KCNT2: variants seen among roughly 807,000 people sequenced by gnomAD.
The protein encoded by KCNT2 is potassium channel subfamily T member 2.
KCNT2 carries 67 observed loss-of-function variants against 153.8 expected under a neutral mutation model. The observed-to-expected ratio is 0.44, with a 90% CI of 0.36 to 0.53. The LOEUF is 0.53. Ranked by LOEUF, KCNT2 falls within the 20% of genes least tolerant of loss-of-function variation. The pLI is 0.00. For synonymous variants in KCNT2, 500 were observed against 458.8 expected (o/e 1.09, Z -1.15); for missense variants, 975 against 1,354.8 (o/e 0.72, Z 4.40).
At chr1:196,299,639 T>C (rs1357906155) in intron 22 of KCNT2, among the ~76,000 whole-genome samples, 3 of 152,160 alleles carry the variant, frequency 2.0e-5, no homozygotes, top group Non-Finnish European at 1.5e-5. Context: ...GGAACGCTTA[T>C]AACTGTTGGT....
chr1:196,550,253 C>A (rs569186749), intron 1 of KCNT2, among the ~76,000 whole-genome samples: 1 of 151,908 alleles, frequency 6.6e-6, no homozygotes, highest in South Asian at 2.1e-4. Flanking sequence ...TGTGCACTTT[C>A]TCAGCATGAG....
At chr1:196,421,035 G>C (rs1161541108) in intron 12 of KCNT2, among the ~76,000 whole-genome samples, 3 of 152,046 alleles carry the variant, frequency 2.0e-5, no homozygotes, top group Non-Finnish European at 4.4e-5. Flanking sequence ...TTCTGAGACT[G>C]TTGAGGTTCG....
rs533253644 is a variant in KCNT2 at position 196,425,212 on chromosome 1, A to T, written c.1121+640T>A. On this transcript the variant is annotated intron_variant, in intron 11 of 27. Coordinates refer to ENST00000294725, the MANE Select transcript of KCNT2 (RefSeq NM_198503.5). ...GCTCAATAATACTCTCACTCTACTCATATGATACAACTTGGTAACTTGTGA... is the reference window on the plus strand; with the variant it reads ...GCTCAATAATACTCTCACTCTACTCTTATGATACAACTTGGTAACTTGTGA... 5.9e-5 allele frequency among the ~76,000 whole-genome samples: 9 copies of T among 152,128 alleles called. No individual in the cohort carries two copies. In the East Asian group the frequency reaches 1.4e-3, roughly 23 times the overall value.
chr1:196,601,781 C>T (rs1664751077), intron 1 of KCNT2, among the ~76,000 whole-genome samples: 1 of 152,106 alleles, frequency 6.6e-6, no homozygotes, highest in Non-Finnish European at 1.5e-5. Context: ...AGATAAATTG[C>T]CCCATACTGC....
intron 1 of KCNT2, among the ~76,000 whole-genome samples, chr1:196,576,288 C>T (rs1418331805): frequency 1.3e-5 from 2 of 151,908 alleles, no homozygotes; most frequent in Non-Finnish European, 2.9e-5. Context: ...TCCATTACTA[C>T]CATTGTATAA....
At chr1:196,288,141 T>TAAAAAACA in intron 22 of KCNT2, among the ~76,000 whole-genome samples, 1 of 150,080 alleles carries the variant, frequency 6.7e-6, no homozygotes, top group African/African-American at 2.5e-5. Context: ...AATAAATAAA[T>TAAAAAACA]AAAAAATAAA....
chr1:196,458,153 T>C (rs1385549831), intron 8 of KCNT2, among the ~76,000 whole-genome samples: 7 of 151,834 alleles, frequency 4.6e-5, no homozygotes, highest in African/African-American at 1.7e-4. Flanking sequence ...TATAATATTC[T>C]CATTCCTGAA....
chr1:196,320,591 C>G (rs931890094), intron 19 of KCNT2, among the ~76,000 whole-genome samples: 3 of 151,724 alleles, frequency 2.0e-5, no homozygotes, highest in African/African-American at 7.3e-5. Flanking sequence ...CTGGTACCTA[C>G]AAGCCTCCCT....
chr1:196,477,107 T>C (rs528289610), intron 5 of KCNT2, among the ~76,000 whole-genome samples: 8 of 152,228 alleles, frequency 5.3e-5, no homozygotes, highest in Non-Finnish European at 1.2e-4. Context: ...TTTCTTTCTA[T>C]ACTTTCTTAT....
intron 1 of KCNT2, among the ~76,000 whole-genome samples, chr1:196,538,324 A>G (rs1436098219): frequency 6.6e-6 from 1 of 152,016 alleles, no homozygotes; most frequent in Non-Finnish European, 1.5e-5. Context: ...GCATGGACCA[A>G]AGGCTCACCC....
intron 1 of KCNT2, among the ~76,000 whole-genome samples, chr1:196,499,998 G>C (rs893303662): frequency 6.6e-6 from 1 of 151,830 alleles, no homozygotes; most frequent in African/African-American, 2.4e-5. Flanking sequence ...ACAAAAATTA[G>C]CTGGGTGTGC....
intron 12 of KCNT2, among the ~76,000 whole-genome samples, chr1:196,415,851 C>T (rs1240628897): frequency 6.6e-6 from 1 of 151,780 alleles, no homozygotes; most frequent in African/African-American, 2.4e-5. Context: ...TCAAGATGTC[C>T]CAATTCTGAC....
intron 8 of KCNT2, among the ~76,000 whole-genome samples, chr1:196,454,125 C>G (rs759714505): frequency 4.6e-5 from 7 of 151,930 alleles, no homozygotes; most frequent in Non-Finnish European, 1.0e-4. Context: ...TCAGGCTTTT[C>G]TCTCTGATGT....
rs572288049 is a variant in KCNT2 at position 196,312,501 on chromosome 1, T to C, written c.2483+3391A>G. On this transcript the variant is annotated intron_variant, in intron 21 of 27. Transcript: ENST00000294725. ...GCCTGTCTAGGTCGTTCTAGGACTC[T>C]CATGATGTCTGTAATTTACTTTTCG... Among the ~76,000 whole-genome samples, 7 of 151,942 alleles carry C rather than the reference T, an allele frequency of 4.6e-5. No individual in the cohort carries two copies. The East Asian group carries it at 1.2e-3, about 25-fold the overall frequency.
chr1:196,566,871 T>C (rs1169969827), intron 1 of KCNT2, among the ~76,000 whole-genome samples: 2 of 152,244 alleles, frequency 1.3e-5, no homozygotes, highest in East Asian at 1.9e-4. Context: ...CTTTATTCTA[T>C]TACAAGATTG....
At chr1:196,379,082 A>T (rs918079441) in intron 13 of KCNT2, among the ~76,000 whole-genome samples, 1 of 151,864 alleles carries the variant, frequency 6.6e-6, no homozygotes, top group African/African-American at 2.4e-5. Context: ...AAATGGATAA[A>T]CTCTGGATTA....
chr1:196,291,183 A>G (rs1485545479), intron 22 of KCNT2, among the ~76,000 whole-genome samples: 1 of 151,894 alleles, frequency 6.6e-6, no homozygotes, highest in African/African-American at 2.4e-5. Context: ...TCTGTTTCAA[A>G]ACCATCTCTG....
intron 1 of KCNT2, among the ~76,000 whole-genome samples, chr1:196,551,538 C>G (rs187558646): frequency 6.6e-6 from 1 of 151,676 alleles, no homozygotes; most frequent in Admixed American, 6.6e-5. Context: ...GATATACAAT[C>G]AAAATGTGAA....
rs990365182 is a variant in KCNT2 at position 196,273,350 on chromosome 1, T to C, written c.2910+7510A>G. Reference sequence around the variant, plus strand: ...TTTATATGCATTTAAGTTTAAATGATTTATTTCATTTTAATGTCTGAGTAT... The same window carrying C: ...TTTATATGCATTTAAGTTTAAATGACTTATTTCATTTTAATGTCTGAGTAT... On this transcript the variant is annotated intron_variant, in intron 25 of 27. Coordinates refer to ENST00000294725, the MANE Select transcript of KCNT2 (RefSeq NM_198503.5). The C allele has an allele frequency of 7.5e-6, 5 of 662,338 alleles. No homozygotes were observed. In the African/African-American group the frequency reaches 9.2e-5, roughly 12 times the overall value. 41.0% of individuals were successfully genotyped at this position (662,338 alleles called of 1,614,324 possible).
Sources: allele counts gnomAD v4.1 joint callset (sites outside exome capture counted in the v4.1 genomes callset), GRCh38; gene constraint gnomAD v4.1.1; transcripts MANE v1.5; gene names NCBI Gene and HGNC (gene_info 2026-07-23, HGNC 2026-07-21).